Variants in CELF5 observed in about 807,000 individuals in gnomAD.
CELF5 encodes CUG-BP and ETR-3 like factor 5.
Under a neutral mutation model 54.9 loss-of-function variants are expected in CELF5, and 6 were observed. That is an observed-to-expected ratio of 0.11 (90% CI 0.06 to 0.22). The LOEUF is 0.22. Among genes scored for constraint, CELF5 ranks in the 10% least tolerant of loss-of-function variants. The pLI is 1.00. For synonymous variants in CELF5, 271 were observed against 290.9 expected, an observed-to-expected ratio of 0.93 and a Z score of 0.70; for missense variants, 401 against 678.6, an observed-to-expected ratio of 0.59 and a Z score of 4.54.
chr19:3,224,714 G>A lies in CELF5; in HGVS notation c.-26G>A, dbSNP rs1361972795. 9.5e-7 allele frequency: 1 copy of A among 1,054,124 alleles called. No homozygotes were observed. The allele number at this position is 1,054,124 out of a possible 1,614,324, so 65.3% of individuals were successfully genotyped here. Reference sequence around the variant, plus strand: ...AGTCCGCCCGCCGCCCGCCGCCGCCGCCGCCGGCTCGGTCCCGCGCCCGCC... The same window carrying A: ...AGTCCGCCCGCCGCCCGCCGCCGCCACCGCCGGCTCGGTCCCGCGCCCGCC... On this transcript the variant is annotated 5_prime_UTR_variant, in exon 1 of 13. Coordinates refer to ENST00000292672, the MANE Select transcript of CELF5 (RefSeq NM_021938.4).
intron 10 of CELF5, among the ~76,000 whole-genome samples, chr19:3,287,484 A>G (rs1274995865): frequency 7.0e-6 from 1 of 143,752 alleles, no homozygotes; most frequent in Non-Finnish European, 1.6e-5. Flanking sequence ...CTCTTGAACC[A>G]GGAGGCGGAG....
In CELF5 at chr19:3,278,165, G is replaced by A. The variant is rs1373318837; in HGVS notation, c.603+55G>A. ...GTGGGGGTGGGAAAGGGGTGAGGGG[G>A]ACAGGGATGAAACAGGCCATATTCC... is the stretch of plus-strand genomic sequence containing the variant. On this transcript the variant is annotated intron_variant, in intron 5 of 12. Coordinates refer to ENST00000292672, the MANE Select transcript of CELF5 (RefSeq NM_021938.4). This position sits in a 1 kb window ranked among gnomAD's most constrained non-coding sequence, Gnocchi z 4.5. The A allele has an allele frequency of 1.9e-6, 2 of 1,038,116 alleles. No homozygotes were observed. The highest frequency in any genetic ancestry group is 2.5e-5 in the East Asian group (1 of 40,536). 64.3% of individuals were successfully genotyped at this position (1,038,116 alleles called of 1,614,324 possible).
chr19:3,289,680 T>TAAAAAA (rs2080310620), intron 10 of CELF5, among the ~76,000 whole-genome samples: 1 of 9,804 alleles, frequency 1.0e-4, no homozygotes, highest in Non-Finnish European at 1.9e-4. Flanking sequence ...AGACTCCATC[T>TAAAAAA]CAAAAAAAAA....
rs778707593 is a variant in CELF5, at chr19:3,281,111, G to A, written c.604-88G>A. 8 of 1,475,574 alleles carry A rather than the reference G, an allele frequency of 5.4e-6. No individual in the cohort carries two copies. The highest frequency in any genetic ancestry group is 7.4e-6 in the Non-Finnish European group (8 of 1,082,758). The allele number at this position is 1,475,574 out of a possible 1,614,324, so 91.4% of individuals were successfully genotyped here. On this transcript the variant is annotated intron_variant, in intron 5 of 12. Transcript: ENST00000292672. This position sits in a 1 kb window ranked among gnomAD's most constrained non-coding sequence, Gnocchi z 6.5. ...CACTGGCATTACACCCCTCACCCAG[G>A]AGGCCTGAGCTAACATGAATCCAGG... is the stretch of plus-strand genomic sequence containing the variant.
At chr19:3,276,994 C>T (rs2080066806) in intron 4 of CELF5, among the ~76,000 whole-genome samples, 1 of 152,122 alleles carries the variant, frequency 6.6e-6, no homozygotes, top group Non-Finnish European at 1.5e-5. Context: ...GTGATTTGTC[C>T]ATATGACTGA....
chr19:3,251,313 A>G (rs2079644019), intron 2 of CELF5, among the ~76,000 whole-genome samples: 1 of 152,202 alleles, frequency 6.6e-6, no homozygotes, highest in Admixed American at 6.5e-5. Context: ...ATACTGCACA[A>G]GGGCACCTGG....
At chr19:3,248,020 C>A (rs1452897904) in intron 1 of CELF5, among the ~76,000 whole-genome samples, 1 of 152,150 alleles carries the variant, frequency 6.6e-6, no homozygotes, top group Non-Finnish European at 1.5e-5. Flanking sequence ...CGGCCTCTGC[C>A]TCCCAAAGTG....
chr19:3,296,154 C>T (rs2080439624), intron 12 of CELF5: 1 of 148,524 alleles, frequency 6.7e-6, no homozygotes, highest in African/African-American at 2.5e-5. Flanking sequence ...ATTTTTGTTT[C>T]CTAGTTGGGA....
At position 3,269,448 on chromosome 19, in the gene CELF5, G is replaced by A. The variant is rs187135471; in HGVS notation, c.343-4424G>A. On this transcript the variant is annotated intron_variant, in intron 2 of 12. Transcript: ENST00000292672. ...CTGCCTCGACCTCTCAAACTGCTGG[G>A]GTTACAGGCGTGAGCCACCGCGCCC... 1.7e-3 allele frequency among the ~76,000 whole-genome samples: 261 copies of A among 152,164 alleles called. 3 individuals carry two copies. Among genetic ancestry groups the A allele is most frequent in the Middle Eastern group, 3.4e-3 (1 of 294 alleles).
intron 2 of CELF5, among the ~76,000 whole-genome samples, chr19:3,252,381 G>A (rs1164328563): frequency 6.6e-6 from 1 of 152,136 alleles, no homozygotes; most frequent in Non-Finnish European, 1.5e-5. Context: ...GTGGGCAGGA[G>A]GCCCCTGCCC....
chr19:3,272,185 G>A (rs1479251474), intron 2 of CELF5, among the ~76,000 whole-genome samples: 1 of 152,014 alleles, frequency 6.6e-6, no homozygotes, highest in Non-Finnish European at 1.5e-5. Context: ...GGCCAACATG[G>A]TGAAACCCCA....
At chr19:3,245,937 A>C (rs557148466) in intron 1 of CELF5, among the ~76,000 whole-genome samples, 1 of 152,366 alleles carries the variant, frequency 6.6e-6, no homozygotes, top group African/African-American at 2.4e-5. Context: ...AGCATTAGTG[A>C]AGATGAAGCA....
At chr19:3,256,921 A>G (rs569976510) in intron 2 of CELF5, among the ~76,000 whole-genome samples, 93 of 152,172 alleles carry the variant, frequency 6.1e-4, no homozygotes, top group African/African-American at 2.1e-3. Context: ...GTTGGAGTGC[A>G]GTGGCACAAT....
rs552589892 is a variant in CELF5, at chr19:3,291,398, T to C, written c.1330+1024T>C. On this transcript the variant is annotated intron_variant, in intron 11 of 12. Transcript: ENST00000292672. ...GCTAACACAGTGAAACCCCCATCTC[T>C]ACTAAAAATACAAAAAAATTAGCCG... is the stretch of plus-strand genomic sequence containing the variant. Among the ~76,000 whole-genome samples the C allele has an allele frequency of 3.6e-4, 54 of 151,902 alleles. No individual in the cohort carries two copies. In the South Asian group the frequency reaches 0.011, roughly 30 times the overall value.
chr19:3,226,476 A>ACACACACACACACACACACACACACAC (rs1555715644), intron 1 of CELF5, among the ~76,000 whole-genome samples: 1 of 150,976 alleles, frequency 6.6e-6, no homozygotes, highest in African/African-American at 2.4e-5. Context: ...ACACACACAC[A>ACACACACACACACACACACACACACAC]AAATTGGGCC....
At chr19:3,232,556 A>G (rs1917319670) in intron 1 of CELF5, among the ~76,000 whole-genome samples, 1 of 151,868 alleles carries the variant, frequency 6.6e-6, no homozygotes, top group African/African-American at 2.4e-5. Context: ...GTGAGTCTGT[A>G]AAGAAAAAAA....
intron 1 of CELF5, among the ~76,000 whole-genome samples, chr19:3,227,720 C>T (rs1047309066): frequency 6.6e-6 from 1 of 152,028 alleles, no homozygotes; most frequent in African/African-American, 2.4e-5. Flanking sequence ...CGAGTGACAG[C>T]GCATTTCTGG....
intron 1 of CELF5, among the ~76,000 whole-genome samples, chr19:3,244,468 G>A (rs1408910152): frequency 2.0e-5 from 3 of 149,250 alleles, no homozygotes; most frequent in Non-Finnish European, 4.5e-5. Context: ...TGTGTGGTGT[G>A]TGCATGCATC....
intron 1 of CELF5, among the ~76,000 whole-genome samples, chr19:3,227,511 G>A (rs1434100234): frequency 6.6e-6 from 1 of 152,170 alleles, no homozygotes; most frequent in Non-Finnish European, 1.5e-5. Flanking sequence ...CTGGATGCCC[G>A]GCGGGGCCCA....
Sources: allele counts gnomAD v4.1 joint callset (sites outside exome capture counted in the v4.1 genomes callset), GRCh38; gene constraint gnomAD v4.1.1; non-coding constraint Gnocchi (gnomAD v3.1); transcripts MANE v1.5; gene names NCBI Gene and HGNC (gene_info 2026-07-23, HGNC 2026-07-21).